Variants in KIZ observed in about 807,000 individuals in gnomAD.
The protein encoded by KIZ is kizuna centrosomal protein, also known as centrosomal protein kizuna.
KIZ carries 68 observed loss-of-function variants against 79.6 expected under a neutral mutation model. That is an observed-to-expected ratio of 0.85 (90% CI 0.70 to 1.05). The LOEUF (loss-of-function observed/expected upper bound fraction) is 1.05. Among genes scored for constraint, KIZ ranks in the 50% least tolerant of loss-of-function variants. The probability of loss-of-function intolerance (pLI) is 0.00; values close to 1 mark genes in which losing one functional copy is unlikely to be tolerated. For synonymous variants in KIZ, 280 were observed against 281.8 expected (o/e 0.99, Z 0.06); for missense variants, 797 against 800.4 (o/e 1.00, Z 0.05).
intron 11 of KIZ, 160 bp downstream of exon 11, chr20:21,232,990 T>C: frequency 1.7e-6 from 1 of 591,738 alleles, no homozygotes; most frequent in Admixed American, 2.9e-5. Context: ...TTAGTCTACC[T>C]TTGAAAATAT....
At chr20:21,142,930 T>C (rs1386335776) in intron 3 of KIZ, among the ~76,000 whole-genome samples, 1 of 152,158 alleles carries the variant, frequency 6.6e-6, no homozygotes, top group Non-Finnish European at 1.5e-5. Flanking sequence ...CTGCTGAGGA[T>C]TGTGACAGAC....
intron 6 of KIZ, among the ~76,000 whole-genome samples, chr20:21,199,589 C>T (rs923778006): frequency 3.9e-5 from 6 of 152,160 alleles, no homozygotes; most frequent in Admixed American, 3.9e-4. Flanking sequence ...ACAGATTCTT[C>T]CTAATGGATT....
chr20:21,207,790 G>A (rs1013345073), intron 7 of KIZ, among the ~76,000 whole-genome samples: 2 of 151,882 alleles, frequency 1.3e-5, no homozygotes, highest in African/African-American at 4.8e-5. Context: ...TGCCACCAGG[G>A]CTCACTGCCT....
At chr20:21,243,500 T>C (rs2037286700) in intron 11 of KIZ, among the ~76,000 whole-genome samples, 1 of 152,126 alleles carries the variant, frequency 6.6e-6, no homozygotes, top group South Asian at 2.1e-4. Context: ...GAATGGTTTC[T>C]CTCCCAACAT....
At chr20:21,132,180 C>T (rs1330723463) in intron 2 of KIZ, 21 bp downstream of exon 2, 6 of 1,284,160 alleles carry the variant, frequency 4.7e-6, no homozygotes, top group Non-Finnish European at 6.5e-6. Context: ...ACAGTGGGAA[C>T]AGTTTTCAAG....
At chr20:21,161,800 G>T in intron 4 of KIZ, 71 bp from the exon 5 acceptor site, 2 of 884,386 alleles carry the variant, frequency 2.3e-6, no homozygotes, top group Non-Finnish European at 3.2e-6. Flanking sequence ...TTCATTTCTG[G>T]AAAAAAAAAA....
intron 11 of KIZ, among the ~76,000 whole-genome samples, chr20:21,236,728 C>T (rs2123473936): frequency 6.6e-6 from 1 of 152,298 alleles, no homozygotes; most frequent in African/African-American, 2.4e-5. Context: ...GGCGCAGTGG[C>T]TCATGCCTGT....
intron 6 of KIZ, among the ~76,000 whole-genome samples, chr20:21,188,845 G>A (rs535464327): frequency 1.4e-4 from 22 of 151,768 alleles, no homozygotes; most frequent in African/African-American, 4.6e-4. Flanking sequence ...GACTACAGGC[G>A]CCTGCCACCA....
chr20:21,219,168 G>A (rs1413265546), intron 9 of KIZ, among the ~76,000 whole-genome samples: 1 of 145,212 alleles, frequency 6.9e-6, no homozygotes. Context: ...TATTTGAGGA[G>A]CTGCCATATA....
rs554586138 is a variant in KIZ, at chr20:21,130,559, T to C, written c.90-1538T>C. 2.7e-4 allele frequency among the ~76,000 whole-genome samples: 41 copies of C among 152,356 alleles called. No individual in the cohort carries two copies. In the East Asian group the frequency reaches 6.4e-3, roughly 24 times the overall value. ...TTCACTTCTATTCTAAGTTCACTCT[T>C]ACTAGTGAGAAGGTAAAGATTTGTG... On this transcript the variant is annotated intron_variant, in intron 1 of 12. Transcript: ENST00000619189.
At chr20:21,223,947 G>T (rs1402243784) in intron 9 of KIZ, among the ~76,000 whole-genome samples, 7 of 151,756 alleles carry the variant, frequency 4.6e-5, no homozygotes, top group Non-Finnish European at 7.4e-5. Context: ...CAGAGTGCTG[G>T]GATTACAGGC....
chr20:21,234,293 C>T (rs750774820), intron 11 of KIZ, among the ~76,000 whole-genome samples: 88 of 151,584 alleles, frequency 5.8e-4, no homozygotes, highest in Middle Eastern at 3.4e-3. Flanking sequence ...GTATCGTTTC[C>T]GTATGAAATT....
intron 6 of KIZ, chr20:21,196,829 G>C (rs2035362097): frequency 6.6e-6 from 1 of 152,164 alleles, no homozygotes; most frequent in Non-Finnish European, 1.5e-5. Flanking sequence ...CCAGCATAAA[G>C]GTACACTTCA....
chr20:21,126,080 C>T (rs539303126), upstream of KIZ: 38 of 1,494,636 alleles, frequency 2.5e-5, no homozygotes, highest in African/African-American at 4.9e-4. Flanking sequence ...GAACGGCCAC[C>T]CAGAGGCTGT....
chr20:21,188,160 T>G (rs2034962453), intron 6 of KIZ, among the ~76,000 whole-genome samples: 1 of 152,234 alleles, frequency 6.6e-6, no homozygotes. Flanking sequence ...TGTATTTCTG[T>G]GGCAGAGTTG....
chr20:21,190,952 C>T (rs1265169966), intron 6 of KIZ, among the ~76,000 whole-genome samples: 1 of 152,054 alleles, frequency 6.6e-6, no homozygotes, highest in African/African-American at 2.4e-5. Flanking sequence ...TGAGTGAATT[C>T]TAATTGTAAG....
intron 6 of KIZ, among the ~76,000 whole-genome samples, chr20:21,182,713 C>T (rs2034707180): frequency 6.7e-6 from 1 of 150,272 alleles, no homozygotes; most frequent in Non-Finnish European, 1.5e-5. Flanking sequence ...ATGAGAATCA[C>T]TTGAACCCGG....
chr20:21,169,299 A>G (rs1415142722), intron 6 of KIZ, among the ~76,000 whole-genome samples: 2 of 152,086 alleles, frequency 1.3e-5, no homozygotes, highest in Admixed American at 6.5e-5. Context: ...AAAAGAAGAC[A>G]TTTATGCAGC....
intron 6 of KIZ, chr20:21,166,404 A>G: frequency 1.9e-6 from 3 of 1,598,020 alleles, no homozygotes. Context: ...CCTGCCTGTG[A>G]GGTTCACAAC....
Sources: allele counts gnomAD v4.1 joint callset (sites outside exome capture counted in the v4.1 genomes callset), GRCh38; gene constraint gnomAD v4.1.1; transcripts MANE v1.5; gene names NCBI Gene and HGNC (gene_info 2026-07-23, HGNC 2026-07-21).